The following LRRC57 variants were observed in gnomAD, a reference collection of about 807,000 sequenced individuals.
LRRC57 encodes the protein leucine rich repeat containing 57, also known as leucine-rich repeat-containing protein 57.
In LRRC57, 14 loss-of-function variants were observed where a neutral mutation model predicts 23.1. The observed-to-expected ratio is 0.61, with a 90% CI of 0.40 to 0.95. The LOEUF is 0.95. LRRC57 is among the 40% of genes least tolerant of loss of function. LRRC57 has a pLI of 0.00. For synonymous variants in LRRC57, 106 were observed against 115.2 expected (o/e 0.92, Z 0.51); for missense variants, 236 against 284.4 (o/e 0.83, Z 1.22).
intron 5 of LRRC57, among the ~76,000 whole-genome samples, chr15:42,544,341 T>A (rs2057645732): frequency 6.6e-6 from 1 of 151,712 alleles, no homozygotes; most frequent in Non-Finnish European, 1.5e-5. Flanking sequence ...GGTAGGTGGA[T>A]CGCTTGAGCC....
chr15:42,531,698 G>A, the LRRC57 span: 176 of 401,686 alleles, frequency 4.4e-4, 1 homozygote, highest in African/African-American at 3.3e-3. Context: ...CAATTCATAC[G>A]CTTAGATTGG....
In LRRC57 at chr15:42,538,311, T is replaced by A. The variant is rs1211138292; in HGVS notation, c.*5772A>T. On this transcript the variant is annotated 3_prime_UTR_variant, in exon 6 of 6. Coordinates refer to ENST00000397130, the MANE Select transcript of LRRC57 (RefSeq NM_153260.3). The stretch of plus-strand genomic sequence containing the variant: ...TCAGATTTTATTTCTCAGATTGATA[T>A]TCAAGTTTCTCATCTAGTCATTTAA... 2 of 152,256 alleles carry A rather than the reference T, an allele frequency of 1.3e-5. No homozygotes were observed. The highest frequency in any genetic ancestry group is 3.8e-4 in the East Asian group (2 of 5,198). 9.4% of individuals were successfully genotyped at this position (152,256 alleles called of 1,614,324 possible).
chr15:42,548,035 C>G lies in LRRC57; in HGVS notation c.223+71G>C, dbSNP rs1009569754. ...ACGGTTTCATAACAAAAACAAAAAT[C>G]AGCTTGTAAGAGAAAACCACCCCTG... On this transcript the variant is annotated intron_variant, in intron 3 of 5. Transcript: ENST00000397130. 5.8e-6 allele frequency: 9 copies of G among 1,545,144 alleles called. No homozygotes were observed. The Admixed American group carries it at 1.3e-4, about 23-fold the overall frequency.
rs1484623621 is a variant in LRRC57, at chr15:42,544,838, C to CTATATAT, written c.678+238_678+239insATATATA. ...TCTCACACACACACACACACACACA[C>CTATATAT]ACACTATATATATATATATATCAAA... On this transcript the variant is annotated intron_variant, in intron 5 of 5. Transcript: ENST00000397130. Among the ~76,000 whole-genome samples, 404 of 109,234 alleles carry CTATATAT rather than the reference C, an allele frequency of 3.7e-3. 1 individual carries two copies. The highest frequency in any genetic ancestry group is 6.8e-3 in the South Asian group (29 of 4,246). 71.7% of individuals were successfully genotyped at this position (109,234 alleles called of 152,430 possible).
downstream of LRRC57, among the ~76,000 whole-genome samples, chr15:42,536,087 C>T (rs2057599480): frequency 2.6e-5 from 4 of 152,018 alleles, no homozygotes; most frequent in Admixed American, 2.6e-4. Context: ...AAAAAGTTTG[C>T]CATCTTATAT....
Position 42,548,242 on chromosome 15 carries a change from G to C in LRRC57, c.87C>G (p.Phe29Leu). 6.2e-7 allele frequency: 1 copy of C among 1,614,218 alleles called. No homozygotes were observed. Among genetic ancestry groups the C allele is most frequent in the Non-Finnish European group, 8.5e-7 (1 of 1,180,038 alleles). The change falls in exon 3 of 6, where the codon TTC (phenylalanine) becomes TTG (leucine). Residue 29 changes from phenylalanine (F) to leucine (L), a missense_variant and splice_region_variant. Physicochemically the swap from Phe to Leu is conservative, Grantham distance 22. Coordinates refer to ENST00000397130, the MANE Select transcript of LRRC57 (RefSeq NM_153260.3). ...FQLKDRGLTE[F>L]PADLQKLTSN... is the part of the protein sequence containing the mutation. ...TCGTCAGCTTCTGCAAGTCTGCGGGGAACTGGAGAAAGGAGTTCACAGCGT... is the reference window on the plus strand; with the variant it reads ...TCGTCAGCTTCTGCAAGTCTGCGGGCAACTGGAGAAAGGAGTTCACAGCGT...
downstream of LRRC57, among the ~76,000 whole-genome samples, chr15:42,534,537 G>T (rs1033788265): frequency 6.6e-6 from 1 of 152,184 alleles, no homozygotes; most frequent in Non-Finnish European, 1.5e-5. Flanking sequence ...AATCATGAAT[G>T]TCCTTAACGG....
downstream of LRRC57, among the ~76,000 whole-genome samples, chr15:42,534,510 C>G (rs1316074395): frequency 1.3e-5 from 2 of 152,206 alleles, no homozygotes; most frequent in African/African-American, 2.4e-5. Flanking sequence ...ATGTTGGTAT[C>G]TTGACCTCCT....
At chr15:42,535,327 A>T (rs190124609), downstream of LRRC57, among the ~76,000 whole-genome samples, 7 of 152,334 alleles carry the variant, frequency 4.6e-5, no homozygotes, top group East Asian at 1.3e-3. Context: ...TATAGCATTG[A>T]AGGGAGTTAG....
At chr15:42,528,874 C>T in the LRRC57 span, among the ~76,000 whole-genome samples, 5 of 152,198 alleles carry the variant, frequency 3.3e-5, no homozygotes, top group African/African-American at 1.2e-4. Flanking sequence ...GCATAAGCTA[C>T]CACACCTGGC....
intron 4 of LRRC57, among the ~76,000 whole-genome samples, chr15:42,546,991 G>T (rs1412255470): frequency 6.6e-6 from 1 of 152,178 alleles, no homozygotes; most frequent in Non-Finnish European, 1.5e-5. Flanking sequence ...TTCAAGATTT[G>T]TGAGACAGTA....
intron 4 of LRRC57, among the ~76,000 whole-genome samples, chr15:42,545,944 C>G (rs2057656445): frequency 6.6e-6 from 1 of 152,176 alleles, no homozygotes; most frequent in South Asian, 2.1e-4. Context: ...ACTCTTACCT[C>G]TATTCTGCTC....
At chr15:42,531,207 T>C in the LRRC57 span, among the ~76,000 whole-genome samples, 2 of 152,230 alleles carry the variant, frequency 1.3e-5, no homozygotes, top group East Asian at 3.8e-4. Context: ...CAAGGTCTTA[T>C]ATGTTACACC....
At chr15:42,544,188 TA>T in intron 5 of LRRC57, 64 bp from the exon 6 acceptor site, 2 of 1,340,372 alleles carry the variant, frequency 1.5e-6, no homozygotes, top group South Asian at 1.3e-5. Flanking sequence ...TAAGCCTAAC[TA>T]TTTTTTTTTT....
downstream of LRRC57, among the ~76,000 whole-genome samples, chr15:42,535,815 G>A (rs1188386499): frequency 6.6e-6 from 1 of 152,216 alleles, no homozygotes; most frequent in Non-Finnish European, 1.5e-5. Flanking sequence ...GGAGAGGAAA[G>A]TGATAAGGAA....
chr15:42,545,806 G>A (rs931802715), intron 4 of LRRC57, among the ~76,000 whole-genome samples: 4 of 151,722 alleles, frequency 2.6e-5, no homozygotes, highest in Admixed American at 1.3e-4. Context: ...TACTTCTCTT[G>A]TTTTTATGGG....
chr15:42,534,310 T>C (rs150680362), downstream of LRRC57, among the ~76,000 whole-genome samples: 1,477 of 152,158 alleles, frequency 9.7e-3, 17 homozygotes, highest in African/African-American at 0.034. Context: ...TTTTTATCTT[T>C]AGTAGAGACA....
chr15:42,541,616 G>C lies in LRRC57; in HGVS notation c.*2467C>G, dbSNP rs1467378876. On this transcript the variant is annotated 3_prime_UTR_variant, in exon 6 of 6. Coordinates refer to ENST00000397130, the MANE Select transcript of LRRC57 (RefSeq NM_153260.3). ...ATCTCTTGACTTAATGGATAAGCTA[G>C]GTTTAACCATTATTGAGAACTGTTG... The C allele has an allele frequency of 1.3e-5, 2 of 152,108 alleles. No homozygotes were observed. Among genetic ancestry groups the C allele is most frequent in the Non-Finnish European group, 2.9e-5 (2 of 68,030 alleles). The allele number at this position is 152,108 out of a possible 1,614,324, so 9.4% of individuals were successfully genotyped here.
In LRRC57 at chr15:42,538,805, C is replaced by T. The variant is rs897188797; in HGVS notation, c.*5278G>A. 2.6e-5 allele frequency: 4 copies of T among 152,142 alleles called. No individual in the cohort carries two copies. The highest frequency in any genetic ancestry group is 7.2e-5 in the African/African-American group (3 of 41,416). 9.4% of individuals were successfully genotyped at this position (152,142 alleles called of 1,614,324 possible). On this transcript the variant is annotated 3_prime_UTR_variant, in exon 6 of 6. Coordinates refer to ENST00000397130, the MANE Select transcript of LRRC57 (RefSeq NM_153260.3). ...ATTCATAAAGCTAATAAATGACGGA[C>T]TCTGTATTCAAACCTGGATCTTTCT...
Sources: allele counts gnomAD v4.1 joint callset (sites outside exome capture counted in the v4.1 genomes callset), GRCh38; gene constraint gnomAD v4.1.1; transcripts MANE v1.5; gene names NCBI Gene and HGNC (gene_info 2026-07-23, HGNC 2026-07-21).